The following COL8A1 variants were observed in gnomAD, a reference collection of about 807,000 sequenced individuals.
The protein encoded by COL8A1 is collagen alpha-1(VIII) chain.
A neutral mutation model predicts 42.7 loss-of-function variants in COL8A1; 21 were observed. That is an observed-to-expected ratio of 0.49 (90% CI 0.35 to 0.71). The LOEUF is 0.71. Ranked by LOEUF, COL8A1 falls within the 30% of genes least tolerant of loss-of-function variation. The pLI, the probability that COL8A1 is intolerant of heterozygous loss-of-function variation, is 0.01. For missense variants in COL8A1, 788 were observed against 962.4 expected (o/e 0.82, Z 2.40); for synonymous variants, 367 against 369.1 (o/e 0.99, Z 0.06).
chr3:99,704,745 A>T (rs777599677), intron 1 of COL8A1, among the ~76,000 whole-genome samples: 1 of 152,100 alleles, frequency 6.6e-6, no homozygotes, highest in Non-Finnish European at 1.5e-5. Context: ...TACCAATCTG[A>T]GTCTTATAAA....
intron 1 of COL8A1, among the ~76,000 whole-genome samples, chr3:99,643,188 G>A (rs149173851): frequency 1.2e-4 from 19 of 152,278 alleles, no homozygotes; most frequent in African/African-American, 3.4e-4. Flanking sequence ...GTGGCTCCTC[G>A]TATAATGTGA....
intron 1 of COL8A1, among the ~76,000 whole-genome samples, chr3:99,740,267 T>C (rs547049594): frequency 1.3e-5 from 2 of 152,308 alleles, no homozygotes; most frequent in South Asian, 4.1e-4. Flanking sequence ...TCTGCCTGTT[T>C]CCCAGTTCCA....
intron 2 of COL8A1, among the ~76,000 whole-genome samples, chr3:99,753,365 G>GCT (rs778439957): frequency 6.6e-6 from 1 of 152,184 alleles, no homozygotes; most frequent in Non-Finnish European, 1.5e-5. Flanking sequence ...CTTCTGTGAG[G>GCT]CTGCCATCAC....
intron 2 of COL8A1, among the ~76,000 whole-genome samples, chr3:99,788,263 C>T (rs1429153755): frequency 6.6e-6 from 1 of 152,140 alleles, no homozygotes; most frequent in African/African-American, 2.4e-5. Context: ...GAAGGCAGAC[C>T]TAAAGAGCTG....
chr3:99,795,655 T>G lies in COL8A1; in HGVS notation c.1754T>G (p.Leu585Arg), dbSNP rs1473272638. The change falls in exon 4 of 4, where the codon CTG becomes CGG. Residue 585 changes from leucine (L) to arginine (R), a missense_variant. Physicochemically the swap from Leu to Arg is moderately radical, Grantham distance 102. This residue lies in a region of COL8A1 where 212 missense variants were observed against 210.9 expected (regional missense o/e 1.00). Transcript: ENST00000652472. ...PPTPPPQGEYLPDMGLGIDGV... is the reference protein window; with the variant it reads ...PPTPPPQGEYRPDMGLGIDGV... The stretch of plus-strand genomic sequence containing the variant: ...ACACCACCACCCCAGGGAGAGTATC[T>G]GCCAGATATGGGGCTGGGAATTGAT... The G allele has an allele frequency of 6.2e-7, 1 of 1,613,848 alleles. No homozygotes were observed. The highest frequency in any genetic ancestry group is 1.7e-5 in the Admixed American group (1 of 60,022).
chr3:99,730,947 C>T (rs999765378), intron 1 of COL8A1, among the ~76,000 whole-genome samples: 2 of 152,016 alleles, frequency 1.3e-5, no homozygotes, highest in Non-Finnish European at 2.9e-5. Flanking sequence ...AAAATCATGT[C>T]ATGACGTTTC....
Position 99,732,619 on chromosome 3 carries a change from G to A in COL8A1, c.-128-12278G>A, listed in dbSNP as rs565208083. ...CCCTCCCATGACACATGGGGATTACGGGAACTATAATTCAAGATGAGATTT... is the reference window on the plus strand; with the variant it reads ...CCCTCCCATGACACATGGGGATTACAGGAACTATAATTCAAGATGAGATTT... On this transcript the variant is annotated intron_variant, in intron 1 of 3. Coordinates refer to ENST00000652472, the MANE Select transcript of COL8A1 (RefSeq NM_020351.4). Among the ~76,000 whole-genome samples the A allele has an allele frequency of 4.6e-5, 7 of 151,972 alleles. No homozygotes were observed. The East Asian group carries it at 1.2e-3, about 25-fold the overall frequency.
At chr3:99,772,515 A>G (rs753181189) in intron 2 of COL8A1, among the ~76,000 whole-genome samples, 1 of 152,218 alleles carries the variant, frequency 6.6e-6, no homozygotes, top group East Asian at 1.9e-4. Flanking sequence ...ATTGCGGAGC[A>G]GGATGTTCAT....
At chr3:99,655,426 A>ATC (rs1937986736) in intron 1 of COL8A1, among the ~76,000 whole-genome samples, 1 of 152,230 alleles carries the variant, frequency 6.6e-6, no homozygotes, top group Non-Finnish European at 1.5e-5. Flanking sequence ...ATTTGTTGCC[A>ATC]TCAAGGTACT....
At chr3:99,791,503 C>T (rs1241425675) in intron 3 of COL8A1, among the ~76,000 whole-genome samples, 2 of 152,212 alleles carry the variant, frequency 1.3e-5, no homozygotes, top group African/African-American at 4.8e-5. Flanking sequence ...CTTAATACTA[C>T]TCTAATTACA....
At chr3:99,661,089 C>T (rs183706398) in intron 1 of COL8A1, among the ~76,000 whole-genome samples, 1 of 152,080 alleles carries the variant, frequency 6.6e-6, no homozygotes, top group East Asian at 1.9e-4. Flanking sequence ...GATAAACGTG[C>T]AAAGATGAAT....
intron 1 of COL8A1, chr3:99,678,423 G>C (rs1183101555): frequency 6.6e-6 from 1 of 152,146 alleles, no homozygotes; most frequent in East Asian, 1.9e-4. Flanking sequence ...TAGAAGGAAA[G>C]ACAATGGTGA....
chr3:99,759,863 G>A (rs900201557), intron 2 of COL8A1, among the ~76,000 whole-genome samples: 4 of 152,194 alleles, frequency 2.6e-5, no homozygotes, highest in African/African-American at 9.7e-5. Context: ...GCTTGGGAGA[G>A]AACATTTTAA....
chr3:99,642,416 C>T (rs1031968884), intron 1 of COL8A1, among the ~76,000 whole-genome samples: 1 of 152,004 alleles, frequency 6.6e-6, no homozygotes, highest in African/African-American at 2.4e-5. Context: ...GTGAATAAAA[C>T]AAAAAGTGTT....
intron 2 of COL8A1, among the ~76,000 whole-genome samples, chr3:99,773,397 C>A: frequency 6.6e-6 from 1 of 152,020 alleles, no homozygotes; most frequent in Admixed American, 6.5e-5. Flanking sequence ...AACCTATTAT[C>A]ACTGCATTTT....
intron 1 of COL8A1, among the ~76,000 whole-genome samples, chr3:99,654,682 A>G (rs990557677): frequency 2.0e-5 from 3 of 152,040 alleles, no homozygotes; most frequent in African/African-American, 7.2e-5. Context: ...CAGCCACTCA[A>G]GAAGCTGAAG....
At chr3:99,644,750 T>C (rs575661094) in intron 1 of COL8A1, among the ~76,000 whole-genome samples, 1 of 152,386 alleles carries the variant, frequency 6.6e-6, no homozygotes, top group African/African-American at 2.4e-5. Flanking sequence ...GATCATTTGA[T>C]GTGCTGAGAC....
At chr3:99,741,418 G>T (rs956606383) in intron 1 of COL8A1, among the ~76,000 whole-genome samples, 5 of 151,966 alleles carry the variant, frequency 3.3e-5, no homozygotes, top group African/African-American at 1.2e-4. Flanking sequence ...AATACAAGAG[G>T]GTATGCTCCA....
rs182330799 is a variant in COL8A1 at position 99,761,252 on chromosome 3, C to G, written c.-4+16231C>G. ...ATACTATACTGATTTTGAAGGAGCT[C>G]CAAAACACTTACCATCTATTGTGGA... On this transcript the variant is annotated intron_variant, in intron 2 of 3. Coordinates refer to ENST00000652472, the MANE Select transcript of COL8A1 (RefSeq NM_020351.4). Among the ~76,000 whole-genome samples the G allele has an allele frequency of 1.1e-4, 17 of 152,240 alleles. No individual in the cohort carries two copies. The East Asian group carries it at 3.3e-3, about 29-fold the overall frequency.
Sources: allele counts gnomAD v4.1 joint callset (sites outside exome capture counted in the v4.1 genomes callset), GRCh38; gene constraint gnomAD v4.1.1; regional missense constraint gnomAD v4.1.1; transcripts MANE v1.5; gene names NCBI Gene and HGNC (gene_info 2026-07-23, HGNC 2026-07-21).